CDYL: variants seen among roughly 807,000 people sequenced by gnomAD.
The protein encoded by CDYL is chromodomain Y-like protein.
CDYL carries 8 observed loss-of-function variants against 47.3 expected under a neutral mutation model. The observed-to-expected ratio is 0.17, with a 90% CI of 0.10 to 0.31. The LOEUF is 0.31. CDYL is among the 10% of genes least tolerant of loss of function. CDYL has a pLI of 1.00. For synonymous variants in CDYL, 266 were observed against 265.0 expected (o/e 1.00, Z -0.04); for missense variants, 471 against 701.4 (o/e 0.67, Z 3.71).
rs149361106 is a variant in CDYL at position 4,885,274 on chromosome 6, G to A, written c.25-6439G>A. Among the ~76,000 whole-genome samples the A allele has an allele frequency of 5.1e-3, 770 of 152,290 alleles. 6 individuals carry two copies. Among genetic ancestry groups the A allele is most frequent in the Middle Eastern group, 0.02 (6 of 294 alleles). On this transcript the variant is annotated intron_variant, in intron 1 of 6. Coordinates refer to ENST00000397588, the MANE Select transcript of CDYL (RefSeq NM_004824.4). ...TTTCCAAAGTGCTGGGATTACAGAC[G>A]TGAGCTACTGTGCCCAGCCAATTCA...
intron 2 of CDYL, among the ~76,000 whole-genome samples, chr6:4,718,086 C>T (rs554878120): frequency 1.3e-5 from 2 of 152,262 alleles, no homozygotes; most frequent in South Asian, 4.1e-4. Context: ...ATCCTCCTGC[C>T]TCAGCCTCCC....
rs534280753 is a variant in CDYL, at chr6:4,947,554, G to A, written c.1332+3798G>A. On this transcript the variant is annotated intron_variant, in intron 5 of 6. Coordinates refer to ENST00000397588, the MANE Select transcript of CDYL (RefSeq NM_004824.4). ...CCTGTGAGAGTGTTAGCACGTGGAC[G>A]GCTGCCTGTGCCAGGTACTGTGGCT... is the stretch of plus-strand genomic sequence containing the variant. Among the ~76,000 whole-genome samples, 6 of 152,278 alleles carry A rather than the reference G, an allele frequency of 3.9e-5. No homozygotes were observed. The South Asian group carries it at 6.2e-4, about 16-fold the overall frequency.
chr6:4,843,861 T>C (rs543503120), intron 1 of CDYL, among the ~76,000 whole-genome samples: 1 of 152,332 alleles, frequency 6.6e-6, no homozygotes, highest in Admixed American at 6.5e-5. Flanking sequence ...AATCCATTGC[T>C]GTTGAGGTAG....
chr6:4,763,433 G>T (rs1758205925), intron 3 of CDYL, among the ~76,000 whole-genome samples: 2 of 152,126 alleles, frequency 1.3e-5, no homozygotes, highest in African/African-American at 4.8e-5. Flanking sequence ...GCAACAATAA[G>T]GATGGAATAT....
At chr6:4,728,931 G>A (rs1176360426) in intron 2 of CDYL, among the ~76,000 whole-genome samples, 34 of 152,230 alleles carry the variant, frequency 2.2e-4, no homozygotes, top group African/African-American at 7.0e-4. Context: ...ATACCAGGGT[G>A]TACCCAGGCT....
At chr6:4,734,681 G>A in intron 2 of CDYL, 1 of 1,576,082 alleles carries the variant, frequency 6.3e-7, no homozygotes, top group Non-Finnish European at 8.6e-7. Context: ...GGAAGTTGGG[G>A]GATGGGGATG....
At chr6:4,884,569 A>C (rs1350847514) in intron 1 of CDYL, among the ~76,000 whole-genome samples, 2 of 152,242 alleles carry the variant, frequency 1.3e-5, no homozygotes, top group South Asian at 2.1e-4. Context: ...GTCTCTGGAA[A>C]AGAGAGTGAG....
chr6:4,954,284 C>A lies in CDYL; in HGVS notation c.*228C>A, dbSNP rs1000485407. The stretch of plus-strand genomic sequence containing the variant: ...TTTGTCCAAACGTCATTATTTTATA[C>A]TTATATACACGCAGGTGTAAAAGTA... On this transcript the variant is annotated 3_prime_UTR_variant, in exon 7 of 7. Coordinates refer to ENST00000397588, the MANE Select transcript of CDYL (RefSeq NM_004824.4). 2.0e-5 allele frequency: 8 copies of A among 409,394 alleles called. No individual in the cohort carries two copies. The East Asian group carries it at 3.2e-4, about 16-fold the overall frequency. The allele number at this position is 409,394 out of a possible 1,614,324, so 25.4% of individuals were successfully genotyped here. A position where few individuals can be genotyped will look rare whatever the true frequency, so the allele number is the denominator to read the frequency against.
Position 4,823,124 on chromosome 6 carries a change from A to G in CDYL, c.24+46317A>G, listed in dbSNP as rs78053982. Among the ~76,000 whole-genome samples, 33 of 152,348 alleles carry G rather than the reference A, an allele frequency of 2.2e-4. No individual in the cohort carries two copies. The East Asian group carries it at 4.6e-3, about 21-fold the overall frequency. On this transcript the variant is annotated intron_variant, in intron 1 of 6. Transcript: ENST00000397588. ...TAACATTTTGAGTTGGCTTCCATAT[A>G]TAAACAAGGAGTAGATAAGTTTATT...
chr6:4,718,793 T>C (rs557836546), intron 2 of CDYL, among the ~76,000 whole-genome samples: 89 of 152,348 alleles, frequency 5.8e-4, no homozygotes, highest in Non-Finnish European at 8.8e-4. Context: ...CACTCGATTA[T>C]GTATCATGGC....
chr6:4,948,063 C>A (rs1018845077), intron 5 of CDYL, among the ~76,000 whole-genome samples: 2 of 152,216 alleles, frequency 1.3e-5, no homozygotes, highest in Non-Finnish European at 2.9e-5. Context: ...AAAATCAGTT[C>A]ATCGTAGTGA....
chr6:4,785,201 C>T (rs1758724243), intron 1 of CDYL, among the ~76,000 whole-genome samples: 1 of 152,162 alleles, frequency 6.6e-6, no homozygotes, highest in African/African-American at 2.4e-5. Context: ...TAGGCTACAA[C>T]ATTGATGTTT....
chr6:4,935,426 T>A, intron 2 of CDYL, 89 bp from the exon 3 acceptor site: 1 of 1,122,248 alleles, frequency 8.9e-7, no homozygotes, highest in South Asian at 1.4e-5. Flanking sequence ...AAGTGTGTAA[T>A]GAACATCTTT....
chr6:4,796,336 A>G lies in CDYL; in HGVS notation c.24+19529A>G, dbSNP rs570252361. Among the ~76,000 whole-genome samples the G allele has an allele frequency of 2.6e-5, 4 of 152,326 alleles. No homozygotes were observed. In the South Asian group the frequency reaches 6.2e-4, roughly 24 times the overall value. On this transcript the variant is annotated intron_variant, in intron 1 of 6. Coordinates refer to ENST00000397588, the MANE Select transcript of CDYL (RefSeq NM_004824.4). ...TTTAGTTTGATGTGAGAACATTTAC[A>G]TTTCTAAGGTGAAAAGTTTTTTTCT...
In CDYL at chr6:4,805,251, G is replaced by A. The variant is rs540614718; in HGVS notation, c.24+28444G>A. Among the ~76,000 whole-genome samples the A allele has an allele frequency of 7.2e-5, 11 of 152,260 alleles. No individual in the cohort carries two copies. The South Asian group carries it at 2.3e-3, about 32-fold the overall frequency. ...AAACATGGGAACTCATGTAATCTAA[G>A]TAACTTAGTAGTGAAACTCTATTCT... On this transcript the variant is annotated intron_variant, in intron 1 of 6. Coordinates refer to ENST00000397588, the MANE Select transcript of CDYL (RefSeq NM_004824.4).
At chr6:4,712,831 C>G (rs1321827223) in intron 1 of CDYL, among the ~76,000 whole-genome samples, 1 of 152,210 alleles carries the variant, frequency 6.6e-6, no homozygotes, top group Non-Finnish European at 1.5e-5. Flanking sequence ...TTCTTTCCAG[C>G]CTTCACTCTG....
In CDYL at chr6:4,953,981, G is replaced by C; in HGVS notation, c.1560G>C (p.Leu520=). 1.2e-6 allele frequency: 2 copies of C among 1,614,178 alleles called. No homozygotes were observed. Among genetic ancestry groups the C allele is most frequent in the South Asian group, 1.1e-5 (1 of 91,076 alleles). Reference sequence around the variant, plus strand: ...CCAACGAGAGGGAGTGTGAGGTGCTGAAGAAAATCTGGGGCTCGGCCCAGG... The same window carrying C: ...CCAACGAGAGGGAGTGTGAGGTGCTCAAGAAAATCTGGGGCTCGGCCCAGG... The part of the protein sequence containing the change: ...EQANERECEV[L]KKIWGSAQGM... Residue 520 remains leucine, a synonymous_variant, in exon 7 of 7, where the codon CTG becomes CTC. Transcript: ENST00000397588.
intron 2 of CDYL, among the ~76,000 whole-genome samples, chr6:4,928,125 C>T (rs1228897344): frequency 6.6e-6 from 1 of 152,136 alleles, no homozygotes; most frequent in Non-Finnish European, 1.5e-5. Context: ...AAAATTTTAG[C>T]TTGTCTTCCT....
intron 3 of CDYL, among the ~76,000 whole-genome samples, chr6:4,735,258 C>G (rs1757681528): frequency 6.6e-6 from 1 of 150,914 alleles, no homozygotes; most frequent in Non-Finnish European, 1.5e-5. Flanking sequence ...TCGTTGCACT[C>G]TAGCCTGGGT....
Sources: gnomAD v4.1 joint callset for allele counts (sites outside exome capture counted in the v4.1 genomes callset) on GRCh38, gnomAD v4.1.1 for gene constraint, MANE v1.5 for transcripts, NCBI Gene and HGNC (gene_info 2026-07-23, HGNC 2026-07-21) for gene names.